The following SYTL4 variants were observed in gnomAD, a reference collection of about 807,000 sequenced individuals.
SYTL4 encodes the protein synaptotagmin-like protein 4.
A neutral mutation model predicts 52.7 loss-of-function variants in SYTL4; 16 were observed. The observed-to-expected ratio is 0.30, with a 90% confidence interval of 0.21 to 0.46. SYTL4 has a LOEUF of 0.46. Among genes scored for constraint, SYTL4 ranks in the 20% least tolerant of loss-of-function variants. SYTL4 has a pLI of 1.00. For synonymous variants in SYTL4, 160 were observed against 186.6 expected, an observed-to-expected ratio of 0.86 and a Z score of 1.16; for missense variants, 423 against 519.9, an observed-to-expected ratio of 0.81 and a Z score of 1.81.
chrX:100,712,849 C>A (rs1232777688), intron 2 of SYTL4, among the ~76,000 whole-genome samples: 2 of 111,661 alleles, frequency 1.8e-5, no homozygotes, highest in Non-Finnish European at 3.8e-5. Context: ...AAACATATCA[C>A]CAAAGAAGAT....
At chrX:100,682,544 C>CA (rs766323720) in intron 16 of SYTL4, among the ~76,000 whole-genome samples, 186 of 109,880 alleles carry the variant, frequency 1.7e-3, no homozygotes, top group Non-Finnish European at 2.9e-3. Context: ...CTTGTCTCAA[C>CA]AAAAAACACA....
At chrX:100,719,420 A>G (rs2084294657) in intron 2 of SYTL4, among the ~76,000 whole-genome samples, 1 of 111,044 alleles carries the variant, frequency 9.0e-6, no homozygotes, top group African/African-American at 3.3e-5. Flanking sequence ...ATATTGCTCT[A>G]TATGGTGATT....
chrX:100,698,464 C>G (rs1569396417), intron 8 of SYTL4, among the ~76,000 whole-genome samples: 1 of 111,591 alleles, frequency 9.0e-6, no homozygotes, highest in African/African-American at 3.3e-5. Context: ...AATCTCTCTC[C>G]CTTTCTCTTT....
At chrX:100,717,792 A>G (rs1429938219) in intron 2 of SYTL4, among the ~76,000 whole-genome samples, 1 of 112,013 alleles carries the variant, frequency 8.9e-6, no homozygotes, top group African/African-American at 3.2e-5. Flanking sequence ...TATTAAAGAC[A>G]TTACACGGAG....
chrX:100,704,203 G>A (rs1020016239), intron 3 of SYTL4, among the ~76,000 whole-genome samples: 2 of 111,824 alleles, frequency 1.8e-5, no homozygotes, highest in African/African-American at 6.5e-5. Context: ...CTGGGCTCAA[G>A]TGATCTTCCT....
At chrX:100,696,981 A>T (rs143338822) in intron 8 of SYTL4, among the ~76,000 whole-genome samples, 269 of 112,239 alleles carry the variant, frequency 2.4e-3, no homozygotes, top group African/African-American at 8.2e-3. Context: ...AGATTTCAAA[A>T]ATCGCACCTA....
At position 100,724,193 on chromosome X, in the gene SYTL4, G is replaced by A. The variant is rs866360224; in HGVS notation, c.-240+7225C>T. On this transcript the variant is annotated intron_variant, in intron 2 of 19. Transcript: ENST00000372989. ...CAGCCGCCCCGTCCGGGAGGGAGGTGGGGGGGTCATCAGCTCCCCCGCCCG... is the reference window on the plus strand; with the variant it reads ...CAGCCGCCCCGTCCGGGAGGGAGGTAGGGGGGTCATCAGCTCCCCCGCCCG... Among the ~76,000 whole-genome samples the A allele has an allele frequency of 9.3e-3, 926 of 99,598 alleles. 22 individuals carry two copies. The highest frequency in any genetic ancestry group is 0.072 in the South Asian group (140 of 1,945). The allele number at this position is 99,598 out of a possible 115,157, so 86.5% of individuals were successfully genotyped here.
chrX:100,694,117 C>A (rs1420352047), intron 8 of SYTL4, among the ~76,000 whole-genome samples: 1 of 111,859 alleles, frequency 8.9e-6, no homozygotes, highest in Non-Finnish European at 1.9e-5. Context: ...TCACAACATT[C>A]TGAAAGTACT....
At chrX:100,691,956 T>C (rs2083608221) in intron 8 of SYTL4, among the ~76,000 whole-genome samples, 1 of 111,702 alleles carries the variant, frequency 9.0e-6, no homozygotes, top group Non-Finnish European at 1.9e-5. Context: ...TCCAGTCTCA[T>C]TTTTCACCCC....
intron 17 of SYTL4, 36 bp downstream of exon 17, chrX:100,681,191 G>C: frequency 8.9e-7 from 1 of 1,129,688 alleles, no homozygotes; most frequent in Non-Finnish European, 1.2e-6. Context: ...CTATGCAGAA[G>C]ACTAAGCTAC....
chrX:100,675,894 A>ACG lies in SYTL4; in HGVS notation c.*133_*134insCG, dbSNP rs67841104. ...TTGCAGAAAATACATGTTTGTACAC[A>ACG]TACACACACACACACACACACACAC... On this transcript the variant is annotated 3_prime_UTR_variant, in exon 20 of 20. Transcript: ENST00000372989. 2 of 290,070 alleles carry ACG rather than the reference A, an allele frequency of 6.9e-6. No homozygotes were observed. The highest frequency in any genetic ancestry group is 4.5e-5 in the African/African-American group (1 of 22,455). 23.9% of individuals were successfully genotyped at this position (290,070 alleles called of 1,213,427 possible).
intron 2 of SYTL4, among the ~76,000 whole-genome samples, chrX:100,711,780 A>G (rs1179044678): frequency 9.1e-6 from 1 of 110,235 alleles, no homozygotes; most frequent in Non-Finnish European, 1.9e-5. Flanking sequence ...CACCAGAAAC[A>G]TAAAGAAAAA....
chrX:100,726,896 A>G (rs987864415), intron 2 of SYTL4, among the ~76,000 whole-genome samples: 3 of 111,038 alleles, frequency 2.7e-5, no homozygotes, highest in Non-Finnish European at 5.7e-5. Flanking sequence ...CATTGTACCC[A>G]TTAAGAAATT....
At chrX:100,714,481 G>C (rs893484037) in intron 2 of SYTL4, among the ~76,000 whole-genome samples, 4 of 111,153 alleles carry the variant, frequency 3.6e-5, no homozygotes, top group East Asian at 5.7e-4. Flanking sequence ...GGATGGTCTC[G>C]ATCTCCTGAC....
intron 16 of SYTL4, among the ~76,000 whole-genome samples, chrX:100,683,761 G>C (rs899715582): frequency 8.9e-6 from 1 of 112,297 alleles, no homozygotes; most frequent in African/African-American, 3.2e-5. Context: ...TTATTTTTTA[G>C]AAAAGTTCTG....
intron 19 of SYTL4, among the ~76,000 whole-genome samples, chrX:100,678,164 T>G (rs1291835080): frequency 9.0e-6 from 1 of 111,305 alleles, no homozygotes; most frequent in Non-Finnish European, 1.9e-5. Flanking sequence ...ATGAAGTTCC[T>G]GGCAATCAGG....
At chrX:100,709,400 C>T (rs755287390) in intron 2 of SYTL4, among the ~76,000 whole-genome samples, 126 of 111,398 alleles carry the variant, frequency 1.1e-3, no homozygotes, top group African/African-American at 4.0e-3. Flanking sequence ...ATACTCAGGA[C>T]GCTGAGGCAG....
chrX:100,682,686 G>A (rs187791055), intron 16 of SYTL4, among the ~76,000 whole-genome samples: 10 of 110,965 alleles, frequency 9.0e-5, no homozygotes, highest in Admixed American at 6.7e-4. Flanking sequence ...CAGCCTGGGC[G>A]ACAGAGCCAG....
At chrX:100,688,189 C>T in intron 13 of SYTL4, 162 bp downstream of exon 13, 1 of 433,108 alleles carries the variant, frequency 2.3e-6, no homozygotes, top group Admixed American at 3.9e-5. Context: ...GTACACTAAG[C>T]ACCTATAGTC....
Sources: allele counts gnomAD v4.1 joint callset (sites outside exome capture counted in the v4.1 genomes callset), GRCh38; gene constraint gnomAD v4.1.1; transcripts MANE v1.5; gene names NCBI Gene and HGNC (gene_info 2026-07-23, HGNC 2026-07-21).